The following SAMD5 variants were observed in gnomAD, a reference collection of about 807,000 sequenced individuals.
SAMD5 encodes the protein sterile alpha motif domain-containing protein 5.
Under a neutral mutation model 11.3 loss-of-function variants are expected in SAMD5, and 13 were observed. That is an observed-to-expected ratio of 1.15 (90% confidence interval 0.75 to 1.83). SAMD5 has a LOEUF of 1.83. Among genes scored for constraint, SAMD5 ranks in the 40% most tolerant of loss-of-function variants. The pLI is 0.00. For missense variants in SAMD5, 255 were observed against 239.1 expected, an observed-to-expected ratio of 1.07 and a Z score of -0.44; for synonymous variants, 129 against 111.3, an observed-to-expected ratio of 1.16 and a Z score of -1.00.
chr6:147,870,636 T>C, the SAMD5 span, among the ~76,000 whole-genome samples: 1 of 151,546 alleles, frequency 6.6e-6, no homozygotes, highest in Non-Finnish European at 1.5e-5. Flanking sequence ...AAATATTTGT[T>C]AACTTGAATA....
chr6:147,604,957 G>A (rs1009920819), intron 1 of SAMD5, among the ~76,000 whole-genome samples: 1 of 152,108 alleles, frequency 6.6e-6, no homozygotes, highest in African/African-American at 2.4e-5. Flanking sequence ...CTTAAGTGTG[G>A]CCATTGATTT....
chr6:147,619,465 A>T (rs1789925565), intron 1 of SAMD5, among the ~76,000 whole-genome samples: 1 of 151,724 alleles, frequency 6.6e-6, no homozygotes, highest in African/African-American at 2.4e-5. Context: ...GCAGATACTC[A>T]TGAGGCAGAT....
chr6:147,817,839 C>T, the SAMD5 span, among the ~76,000 whole-genome samples: 13 of 152,158 alleles, frequency 8.5e-5, no homozygotes, highest in Non-Finnish European at 1.5e-4. Context: ...CTGTTTGTGT[C>T]CTTCTAACCC....
the SAMD5 span, among the ~76,000 whole-genome samples, chr6:147,759,933 C>T: frequency 6.6e-6 from 1 of 151,756 alleles, no homozygotes; most frequent in East Asian, 1.9e-4. Flanking sequence ...TAAGTACAAC[C>T]TCATGAAAAT....
chr6:147,516,298 C>A (rs1788169794), intron 1 of SAMD5, among the ~76,000 whole-genome samples: 1 of 152,152 alleles, frequency 6.6e-6, no homozygotes, highest in Admixed American at 6.5e-5. Context: ...GGAGCTATGG[C>A]AGCCCATGGA....
At chr6:147,719,461 C>G (rs1400187740) in intron 1 of SAMD5, among the ~76,000 whole-genome samples, 1 of 152,178 alleles carries the variant, frequency 6.6e-6, no homozygotes, top group East Asian at 1.9e-4. Context: ...CTAGCCTCAT[C>G]ATCTCCTTTG....
chr6:147,785,903 A>G, the SAMD5 span, among the ~76,000 whole-genome samples: 43 of 152,336 alleles, frequency 2.8e-4, 1 homozygote, highest in African/African-American at 1.0e-3. Context: ...TGAGAATCAA[A>G]TACAACAATC....
chr6:147,833,395 T>C, the SAMD5 span, among the ~76,000 whole-genome samples: 2 of 152,196 alleles, frequency 1.3e-5, no homozygotes, highest in African/African-American at 4.8e-5. Context: ...TAGTTTATAT[T>C]AAGGAAACTA....
the SAMD5 span, among the ~76,000 whole-genome samples, chr6:147,795,128 A>T: frequency 6.7e-6 from 1 of 149,582 alleles, no homozygotes; most frequent in African/African-American, 2.5e-5. Context: ...GGTTAGTTAC[A>T]TACGTATACA....
At chr6:147,838,916 C>A in the SAMD5 span, among the ~76,000 whole-genome samples, 1 of 152,138 alleles carries the variant, frequency 6.6e-6, no homozygotes, top group Non-Finnish European at 1.5e-5. Context: ...CAAGTCAGGG[C>A]AACAACTGAG....
At chr6:147,647,461 A>G (rs760251974) in intron 1 of SAMD5, among the ~76,000 whole-genome samples, 2 of 151,978 alleles carry the variant, frequency 1.3e-5, no homozygotes, top group African/African-American at 4.8e-5. Flanking sequence ...TCAGGTTTGG[A>G]TGGGTTGAGT....
the SAMD5 span, among the ~76,000 whole-genome samples, chr6:147,821,930 G>T: frequency 1.3e-5 from 2 of 151,980 alleles, no homozygotes; most frequent in African/African-American, 4.8e-5. Flanking sequence ...GCAATGTCTA[G>T]ATATTTTTTC....
chr6:147,917,799 G>A, the SAMD5 span, among the ~76,000 whole-genome samples: 2,136 of 152,118 alleles, frequency 0.014, 40 homozygotes, highest in African/African-American at 0.042. Context: ...TCCCAGCACC[G>A]TTTATTAAAT....
chr6:147,639,762 A>G (rs2128452226), intron 1 of SAMD5, among the ~76,000 whole-genome samples: 1 of 152,336 alleles, frequency 6.6e-6, no homozygotes, highest in South Asian at 2.1e-4. Context: ...GATAAGAGTT[A>G]TTCAGATTGA....
Position 147,564,708 on chromosome 6 carries a change from A to G in SAMD5, c.*252A>G. 1 of 1,204,806 alleles carries G rather than the reference A, an allele frequency of 8.3e-7. No individual in the cohort carries two copies. The highest frequency in any genetic ancestry group is 1.0e-6 in the Non-Finnish European group (1 of 964,596). The allele number at this position is 1,204,806 out of a possible 1,614,324, so 74.6% of individuals were successfully genotyped here. A position where few individuals can be genotyped will look rare whatever the true frequency, so the allele number is the denominator to read the frequency against. On this transcript the variant is annotated 3_prime_UTR_variant, in exon 2 of 2. Transcript: ENST00000367474. ...GAGTTCATTTTTTTAAGAAGATATC[A>G]TGATGAGATACAGTCTTATGCATTT...
chr6:147,867,146 CTT>C, the SAMD5 span, among the ~76,000 whole-genome samples: 1 of 152,128 alleles, frequency 6.6e-6, no homozygotes, highest in Non-Finnish European at 1.5e-5. Flanking sequence ...GGTAAAAACA[CTT>C]TGCCAAATAT....
the SAMD5 span, among the ~76,000 whole-genome samples, chr6:147,817,449 G>A: frequency 6.6e-6 from 1 of 152,206 alleles, no homozygotes; most frequent in South Asian, 2.1e-4. Context: ...AAAGGAAGAG[G>A]TTTCTTCATA....
intron 1 of SAMD5, among the ~76,000 whole-genome samples, chr6:147,637,938 A>G (rs1197546435): frequency 6.6e-6 from 1 of 151,388 alleles, no homozygotes; most frequent in Non-Finnish European, 1.5e-5. Context: ...TCATGCACAT[A>G]TTTCAAATTC....
chr6:147,635,807 G>T (rs1036985336), intron 1 of SAMD5, among the ~76,000 whole-genome samples: 2 of 152,272 alleles, frequency 1.3e-5, no homozygotes, highest in Admixed American at 6.5e-5. Context: ...GTATGGAGCC[G>T]ATTTGAAACA....
Sources: allele counts gnomAD v4.1 joint callset (sites outside exome capture counted in the v4.1 genomes callset), GRCh38; gene constraint gnomAD v4.1.1; transcripts MANE v1.5; gene names NCBI Gene and HGNC (gene_info 2026-07-23, HGNC 2026-07-21).